FGF12: variants seen among roughly 807,000 people sequenced by gnomAD.
The protein encoded by FGF12 is fibroblast growth factor 12B.
A neutral mutation model predicts 23.6 loss-of-function variants in FGF12; 14 were observed. The ratio of observed to expected loss-of-function variants is 0.59; its 90% CI spans 0.39 to 0.93. The LOEUF (loss-of-function observed/expected upper bound fraction) is 0.93. Ranked by LOEUF, FGF12 falls within the 40% of genes least tolerant of loss-of-function variation. FGF12 has a pLI of 0.00. For synonymous variants in FGF12, 62 were observed against 77.3 expected (o/e 0.80, Z 1.04); for missense variants, 175 against 217.8 (o/e 0.80, Z 1.24).
At chr3:192,258,249 G>T (rs1712529816) in intron 4 of FGF12, among the ~76,000 whole-genome samples, 3 of 152,106 alleles carry the variant, frequency 2.0e-5, no homozygotes, top group Admixed American at 2.0e-4. Flanking sequence ...CTTCAGGCCA[G>T]AAGTTTCAGA....
At chr3:192,162,599 T>A (rs1714944953) in intron 5 of FGF12, among the ~76,000 whole-genome samples, 1 of 152,134 alleles carries the variant, frequency 6.6e-6, no homozygotes. Flanking sequence ...GCAGCTATTA[T>A]CCTTTCTGTA....
At chr3:192,181,963 T>A (rs878909328) in intron 4 of FGF12, among the ~76,000 whole-genome samples, 2 of 150,810 alleles carry the variant, frequency 1.3e-5, no homozygotes, top group East Asian at 3.9e-4. Context: ...AGAAAACATA[T>A]CTCAATGAAA....
intron 4 of FGF12, among the ~76,000 whole-genome samples, chr3:192,289,330 A>G (rs73066504): frequency 1.3e-5 from 2 of 152,182 alleles, no homozygotes; most frequent in African/African-American, 4.8e-5. Context: ...TAAATACATC[A>G]ATAATTTCAG....
chr3:192,401,943 C>T (rs1720775878), intron 2 of FGF12, among the ~76,000 whole-genome samples: 1 of 152,174 alleles, frequency 6.6e-6, no homozygotes, highest in South Asian at 2.1e-4. Flanking sequence ...CTCAAAGAAG[C>T]ATTTCTTGAC....
intron 4 of FGF12, among the ~76,000 whole-genome samples, chr3:192,214,462 T>A (rs1709729767): frequency 6.6e-6 from 1 of 152,210 alleles, no homozygotes; most frequent in African/African-American, 2.4e-5. Flanking sequence ...TAACAGAAGA[T>A]GTGGAATGAG....
intron 4 of FGF12, among the ~76,000 whole-genome samples, chr3:192,300,665 G>A (rs1325139065): frequency 6.6e-6 from 1 of 151,886 alleles, no homozygotes; most frequent in East Asian, 1.9e-4. Context: ...ATTCTAAAAA[G>A]GGAATCCCTA....
chr3:192,415,109 A>G (rs1007859162), intron 2 of FGF12, among the ~76,000 whole-genome samples: 2 of 152,156 alleles, frequency 1.3e-5, no homozygotes, highest in Non-Finnish European at 2.9e-5. Context: ...CTCCATTTTC[A>G]TTCCTTAAAA....
chr3:192,171,512 CTT>C (rs1350982903), intron 4 of FGF12, among the ~76,000 whole-genome samples: 1 of 152,170 alleles, frequency 6.6e-6, no homozygotes, highest in Admixed American at 6.5e-5. Flanking sequence ...TGTTTAGTGA[CTT>C]ATAATGAGAT....
intron 2 of FGF12, among the ~76,000 whole-genome samples, chr3:192,722,390 T>C (rs1719065619): frequency 6.6e-6 from 1 of 152,236 alleles, no homozygotes; most frequent in South Asian, 2.1e-4. Flanking sequence ...ACATTTCCTT[T>C]CTCTGCTGCA....
At chr3:192,376,035 A>G (rs1276748563) in intron 2 of FGF12, among the ~76,000 whole-genome samples, 2 of 152,166 alleles carry the variant, frequency 1.3e-5, no homozygotes, top group African/African-American at 2.4e-5. Flanking sequence ...GGAAAAGCCC[A>G]TATGAATTTT....
At chr3:192,210,674 A>G (rs1282780716) in intron 4 of FGF12, among the ~76,000 whole-genome samples, 1 of 152,210 alleles carries the variant, frequency 6.6e-6, no homozygotes, top group Non-Finnish European at 1.5e-5. Context: ...ATTTCTACAT[A>G]TCGGATATAG....
intron 2 of FGF12, among the ~76,000 whole-genome samples, chr3:192,459,143 A>G (rs1331519101): frequency 6.6e-6 from 1 of 152,200 alleles, no homozygotes; most frequent in African/African-American, 2.4e-5. Flanking sequence ...CAGCAATGTG[A>G]AAACAGGCTA....
At chr3:192,266,798 CCACA>C (rs376275029) in intron 4 of FGF12, among the ~76,000 whole-genome samples, 2,145 of 146,764 alleles carry the variant, frequency 0.015, 42 homozygotes, top group African/African-American at 0.043. Flanking sequence ...TCTTTAAACA[CCACA>C]CACACACACA....
intron 4 of FGF12, among the ~76,000 whole-genome samples, chr3:192,304,531 T>A (rs1209434865): frequency 1.4e-5 from 2 of 146,168 alleles, no homozygotes; most frequent in African/African-American, 5.6e-5. Context: ...GACCAGGAAA[T>A]TTTTTTAAAG....
intron 2 of FGF12, among the ~76,000 whole-genome samples, chr3:192,547,895 C>A (rs528959846): frequency 6.6e-6 from 1 of 152,280 alleles, no homozygotes; most frequent in East Asian, 1.9e-4. Context: ...GGAGATAATA[C>A]TCTGTTCCCT....
chr3:192,340,359 T>C (rs1717632234), intron 3 of FGF12, among the ~76,000 whole-genome samples: 1 of 152,006 alleles, frequency 6.6e-6, no homozygotes, highest in Non-Finnish European at 1.5e-5. Flanking sequence ...ACATCAAAAC[T>C]ACACTTGTAT....
intron 2 of FGF12, among the ~76,000 whole-genome samples, chr3:192,715,115 G>A (rs1718826308): frequency 6.6e-6 from 1 of 152,146 alleles, no homozygotes; most frequent in African/African-American, 2.4e-5. Context: ...AATAATTAAA[G>A]CTTTGTAAGT....
intron 4 of FGF12, among the ~76,000 whole-genome samples, chr3:192,254,220 C>T (rs1334044414): frequency 6.6e-6 from 1 of 151,848 alleles, no homozygotes; most frequent in East Asian, 1.9e-4. Flanking sequence ...CTACTCTCTG[C>T]GTCTATGAAT....
intron 2 of FGF12, among the ~76,000 whole-genome samples, chr3:192,434,696 T>C: frequency 6.6e-6 from 1 of 152,100 alleles, no homozygotes; most frequent in Non-Finnish European, 1.5e-5. Flanking sequence ...GGTCATAGAG[T>C]TGATTTTAAA....
Sources: allele counts gnomAD v4.1 joint callset (sites outside exome capture counted in the v4.1 genomes callset), GRCh38; gene constraint gnomAD v4.1.1; transcripts MANE v1.5; gene names NCBI Gene and HGNC (gene_info 2026-07-23, HGNC 2026-07-21).